Variants in SLC24A4 observed in about 807,000 individuals in gnomAD.
SLC24A4 encodes the protein sodium/potassium/calcium exchanger 4.
In SLC24A4, 53 loss-of-function variants were observed where a neutral mutation model predicts 79.0. The observed-to-expected ratio is 0.67, with a 90% CI of 0.54 to 0.84. The LOEUF is 0.84. Among genes scored for constraint, SLC24A4 ranks in the 40% least tolerant of loss-of-function variants. The pLI is 0.00. For missense variants in SLC24A4, 731 were observed against 822.0 expected, an observed-to-expected ratio of 0.89 and a Z score of 1.35; for synonymous variants, 323 against 323.8, an observed-to-expected ratio of 1.00 and a Z score of 0.03.
intron 12 of SLC24A4, among the ~76,000 whole-genome samples, chr14:92,468,892 CTGTG>C (rs57575129): frequency 0.14 from 11,093 of 81,156 alleles, 850 homozygotes; most frequent in African/African-American, 0.26. Flanking sequence ...AATCATGTAT[CTGTG>C]TGTGTGTGTG....
At chr14:92,323,066 GGAC>G (rs2141578292), upstream of SLC24A4, 1 of 152,392 alleles carries the variant, frequency 6.6e-6, no homozygotes, top group African/African-American at 2.4e-5. The surrounding 1 kb of genome is among the most constrained non-coding windows in gnomAD (Gnocchi z 4.9). Flanking sequence ...GCGCCCTACG[GGAC>G]GAGTACACGT....
chr14:92,391,647 G>A (rs1160382158), intron 2 of SLC24A4, among the ~76,000 whole-genome samples: 1 of 152,226 alleles, frequency 6.6e-6, no homozygotes, highest in African/African-American at 2.4e-5. Flanking sequence ...GTCCCTGCCT[G>A]GGCTGCTCTT....
intron 2 of SLC24A4, among the ~76,000 whole-genome samples, chr14:92,426,762 C>T (rs1298320730): frequency 6.6e-6 from 1 of 150,562 alleles, no homozygotes; most frequent in African/African-American, 2.4e-5. Flanking sequence ...ATTGGTGGGG[C>T]GGGGGGGAAT....
chr14:92,422,442 G>T (rs1219671004), intron 2 of SLC24A4, among the ~76,000 whole-genome samples: 1 of 152,232 alleles, frequency 6.6e-6, no homozygotes, highest in Non-Finnish European at 1.5e-5. Flanking sequence ...TTGAGAGCTG[G>T]ATTATCCAGA....
chr14:92,383,630 C>T (rs763310616), intron 2 of SLC24A4, among the ~76,000 whole-genome samples: 10 of 152,200 alleles, frequency 6.6e-5, no homozygotes, highest in Admixed American at 2.6e-4. Context: ...CTTGCTAGAC[C>T]GGTAACTTGC....
chr14:92,401,152 G>A (rs1311218771), intron 2 of SLC24A4, among the ~76,000 whole-genome samples: 1 of 152,088 alleles, frequency 6.6e-6, no homozygotes, highest in Non-Finnish European at 1.5e-5. Context: ...GGAAGAGTCT[G>A]AAAACCCCTG....
intron 15 of SLC24A4, among the ~76,000 whole-genome samples, 198 bp downstream of exon 15, chr14:92,491,975 C>T (rs939496912): frequency 6.6e-6 from 1 of 152,150 alleles, no homozygotes; most frequent in Non-Finnish European, 1.5e-5. Flanking sequence ...GTGCCTCTCC[C>T]CATCCCAGGC....
intron 13 of SLC24A4, chr14:92,483,777 G>T: frequency 7.8e-7 from 1 of 1,290,028 alleles, no homozygotes; most frequent in Non-Finnish European, 1.0e-6. Context: ...TCTGTTGATT[G>T]TGAAACTCAC....
intron 2 of SLC24A4, among the ~76,000 whole-genome samples, chr14:92,414,883 C>T (rs1890896885): frequency 6.6e-6 from 1 of 152,192 alleles, no homozygotes; most frequent in Admixed American, 6.5e-5. Context: ...TTATCACAGC[C>T]CTAGACCCAG....
chr14:92,432,266 C>T lies in SLC24A4; in HGVS notation c.242-1646C>T, dbSNP rs4338725. 5.7e-3 allele frequency among the ~76,000 whole-genome samples: 861 copies of T among 152,330 alleles called. 9 individuals are homozygous for T. The highest frequency in any genetic ancestry group is 0.02 in the African/African-American group (827 of 41,558). Reference sequence around the variant, plus strand: ...CAAGGGCAAAGCCATTTAGAACCAACGCCCCTTCCCTGCTGGAGGTCAGGT... The same window carrying T: ...CAAGGGCAAAGCCATTTAGAACCAATGCCCCTTCCCTGCTGGAGGTCAGGT... On this transcript the variant is annotated intron_variant, in intron 2 of 16. Transcript: ENST00000532405.
intron 2 of SLC24A4, among the ~76,000 whole-genome samples, chr14:92,409,702 G>T (rs761984991): frequency 4.2e-4 from 63 of 151,496 alleles, no homozygotes; most frequent in East Asian, 7.8e-4. Flanking sequence ...GGATTGTTTG[G>T]TTTTTTTTTA....
At chr14:92,432,865 T>A (rs1891953166) in intron 2 of SLC24A4, among the ~76,000 whole-genome samples, 1 of 152,184 alleles carries the variant, frequency 6.6e-6, no homozygotes, top group South Asian at 2.1e-4. Context: ...ATTTCTGTCC[T>A]GGAAGTTTAT....
intron 2 of SLC24A4, among the ~76,000 whole-genome samples, chr14:92,374,245 C>T (rs1418163012): frequency 1.3e-5 from 2 of 152,180 alleles, no homozygotes; most frequent in African/African-American, 2.4e-5. Context: ...AGGTAGGCCC[C>T]CATGGTGGCT....
chr14:92,373,148 C>T (rs887151895), intron 2 of SLC24A4, among the ~76,000 whole-genome samples: 35 of 150,320 alleles, frequency 2.3e-4, no homozygotes, highest in African/African-American at 7.8e-4. Context: ...TACAGGTGCC[C>T]ACCACCATGC....
intron 10 of SLC24A4, chr14:92,452,236 C>T (rs979682241): frequency 6.6e-6 from 1 of 152,214 alleles, no homozygotes; most frequent in African/African-American, 2.4e-5. Flanking sequence ...CCCAGTTGTT[C>T]CTCCAGCAGT....
At chr14:92,442,616 G>C in intron 5 of SLC24A4, 97 bp from the exon 6 acceptor site, 1 of 858,362 alleles carries the variant, frequency 1.2e-6, no homozygotes, top group Non-Finnish European at 1.9e-6. Context: ...CTGTTTGTTA[G>C]TAAAGCAACC....
intron 2 of SLC24A4, among the ~76,000 whole-genome samples, chr14:92,395,972 G>A (rs1019475796): frequency 3.3e-5 from 5 of 152,036 alleles, no homozygotes; most frequent in Admixed American, 3.3e-4. Context: ...ATTATAGACG[G>A]GTGCCACCAC....
At chr14:92,357,145 G>A (rs189718488) in intron 2 of SLC24A4, among the ~76,000 whole-genome samples, 134 of 152,276 alleles carry the variant, frequency 8.8e-4, no homozygotes, top group South Asian at 2.3e-3. Flanking sequence ...CCAACGAGGG[G>A]CAACTTGATG....
intron 2 of SLC24A4, among the ~76,000 whole-genome samples, chr14:92,363,004 C>G (rs577684294): frequency 1.3e-5 from 2 of 152,168 alleles, no homozygotes; most frequent in Non-Finnish European, 2.9e-5. Context: ...TGCCTCCTCC[C>G]TGCTTGTGCC....
Sources: allele counts gnomAD v4.1 joint callset (sites outside exome capture counted in the v4.1 genomes callset), GRCh38; gene constraint gnomAD v4.1.1; non-coding constraint Gnocchi (gnomAD v3.1); transcripts MANE v1.5; gene names NCBI Gene and HGNC (gene_info 2026-07-23, HGNC 2026-07-21).